The following ARPP21 variants were observed in gnomAD, a reference collection of about 807,000 sequenced individuals.
The protein encoded by ARPP21 is cAMP-regulated phosphoprotein 21.
Under a neutral mutation model 113.2 loss-of-function variants are expected in ARPP21, and 69 were observed. The ratio of observed to expected loss-of-function variants is 0.61; its 90% CI spans 0.50 to 0.74. The LOEUF (loss-of-function observed/expected upper bound fraction) is 0.74, where lower values mean the gene tolerates loss of function less well. ARPP21 is among the 30% of genes least tolerant of loss of function. ARPP21 has a pLI of 0.00. For synonymous variants in ARPP21, 368 were observed against 375.5 expected (o/e 0.98, Z 0.23); for missense variants, 1,070 against 1,037.4 (o/e 1.03, Z -0.43).
At chr3:35,712,067 G>T (rs1157446687) in intron 11 of ARPP21, among the ~76,000 whole-genome samples, 1 of 152,110 alleles carries the variant, frequency 6.6e-6, no homozygotes, top group Non-Finnish European at 1.5e-5. Flanking sequence ...AAACATAAAG[G>T]CAGCACACTT....
At chr3:35,793,547 C>T (rs942051485) in intron 20 of ARPP21, among the ~76,000 whole-genome samples, 154 bp from the exon 21 acceptor site, 1 of 152,186 alleles carries the variant, frequency 6.6e-6, no homozygotes, top group Non-Finnish European at 1.5e-5. Context: ...AAGTGACTTT[C>T]CTAATGTGAA....
At chr3:35,678,301 C>G (rs2078025209) in intron 1 of ARPP21, among the ~76,000 whole-genome samples, 1 of 151,868 alleles carries the variant, frequency 6.6e-6, no homozygotes, top group South Asian at 2.1e-4. Flanking sequence ...GAACTTCATT[C>G]AACTTGGAAA....
At chr3:35,787,873 C>T (rs550202712) in intron 19 of ARPP21, among the ~76,000 whole-genome samples, 1 of 152,144 alleles carries the variant, frequency 6.6e-6, no homozygotes, top group South Asian at 2.1e-4. Context: ...GTCAGAAAAC[C>T]ACAATTTAAA....
intron 11 of ARPP21, among the ~76,000 whole-genome samples, chr3:35,710,181 A>G (rs2090590417): frequency 6.6e-6 from 1 of 152,102 alleles, no homozygotes; most frequent in African/African-American, 2.4e-5. Flanking sequence ...TGATCCAGCT[A>G]AGAGCTCTGA....
intron 1 of ARPP21, among the ~76,000 whole-genome samples, chr3:35,642,866 T>C (rs1698646270): frequency 6.6e-6 from 1 of 152,164 alleles, no homozygotes; most frequent in Non-Finnish European, 1.5e-5. Flanking sequence ...TTGTTTGGAC[T>C]TGATAGAATA....
intron 9 of ARPP21, 66 bp downstream of exon 9, chr3:35,691,071 C>G: frequency 6.6e-7 from 1 of 1,512,456 alleles, no homozygotes; most frequent in Non-Finnish European, 8.9e-7. Context: ...TATAAGATCA[C>G]AGTATAAAAT....
intron 10 of ARPP21, chr3:35,707,355 G>C (rs1338403923): frequency 9.9e-6 from 6 of 606,890 alleles, no homozygotes; most frequent in Non-Finnish European, 1.9e-5. Context: ...GTCTGGGAGG[G>C]TCGGGATGCC....
chr3:35,691,734 T>C (rs931189318), intron 9 of ARPP21, among the ~76,000 whole-genome samples: 2 of 151,630 alleles, frequency 1.3e-5, no homozygotes, highest in Non-Finnish European at 3.0e-5. Flanking sequence ...CTGTTTTTCT[T>C]GAACCTATAT....
intron 9 of ARPP21, among the ~76,000 whole-genome samples, chr3:35,700,947 G>A (rs2086127909): frequency 6.6e-6 from 1 of 151,664 alleles, no homozygotes. Flanking sequence ...GATGGGTACA[G>A]CAAGCCAACA....
rs555342820 is a variant in ARPP21 at position 35,743,973 on chromosome 3, G to A, written c.2137+8G>A. The A allele has an allele frequency of 5.0e-5, 81 of 1,613,992 alleles. No individual in the cohort carries two copies. The South Asian group carries it at 5.3e-4, about 11-fold the overall frequency. On this transcript the variant is annotated splice_region_variant and intron_variant, in intron 19 of 20. Transcript: ENST00000684406. Reference sequence around the variant, plus strand: ...AGGCAGCACAGCAAGCAGGTACTTGGAATCTGTTTCCCATTTGCTTCTCAA... The same window carrying A: ...AGGCAGCACAGCAAGCAGGTACTTGAAATCTGTTTCCCATTTGCTTCTCAA...
chr3:35,747,509 G>T (rs141912297), intron 19 of ARPP21, among the ~76,000 whole-genome samples: 1 of 152,132 alleles, frequency 6.6e-6, no homozygotes, highest in Non-Finnish European at 1.5e-5. Flanking sequence ...AGAAGAATCC[G>T]TTTATTGCCA....
At chr3:35,693,471 C>T (rs138022001) in intron 9 of ARPP21, among the ~76,000 whole-genome samples, 5 of 151,158 alleles carry the variant, frequency 3.3e-5, no homozygotes, top group African/African-American at 7.3e-5. Context: ...TTTTAGCACA[C>T]GAAAAAAGAG....
intron 11 of ARPP21, among the ~76,000 whole-genome samples, chr3:35,714,182 A>C (rs577045196): frequency 6.6e-6 from 1 of 152,202 alleles, no homozygotes; most frequent in Non-Finnish European, 1.5e-5. Context: ...AGGTTTTTGC[A>C]TACTTGAAAT....
At chr3:35,790,163 C>T (rs968414667) in intron 19 of ARPP21, among the ~76,000 whole-genome samples, 2 of 152,030 alleles carry the variant, frequency 1.3e-5, no homozygotes, top group African/African-American at 2.4e-5. Context: ...AAATATAATC[C>T]AAAGTACTAA....
intron 1 of ARPP21, among the ~76,000 whole-genome samples, chr3:35,662,431 A>G (rs1410380753): frequency 6.6e-6 from 1 of 152,160 alleles, no homozygotes; most frequent in Non-Finnish European, 1.5e-5. Flanking sequence ...TCTGGAAAGC[A>G]TACTCTGAGA....
At chr3:35,762,946 CAT>C (rs1195953736) in intron 19 of ARPP21, among the ~76,000 whole-genome samples, 2 of 152,044 alleles carry the variant, frequency 1.3e-5, no homozygotes, top group Admixed American at 1.3e-4. Flanking sequence ...TTTCATTAAA[CAT>C]TACTGATTCT....
chr3:35,682,962 G>T, intron 4 of ARPP21, 73 bp downstream of exon 4: 1 of 1,382,032 alleles, frequency 7.2e-7, no homozygotes, highest in Non-Finnish European at 1.0e-6. Context: ...AGAGTTAAAG[G>T]ATTTGCCAGC....
intron 19 of ARPP21, among the ~76,000 whole-genome samples, chr3:35,777,689 T>G (rs1366040069): frequency 6.6e-6 from 1 of 152,202 alleles, no homozygotes; most frequent in Non-Finnish European, 1.5e-5. Context: ...CCTCCTTTTT[T>G]CTTTTTCATT....
At chr3:35,722,667 T>C (rs1267205118) in intron 14 of ARPP21, among the ~76,000 whole-genome samples, 1 of 152,146 alleles carries the variant, frequency 6.6e-6, no homozygotes, top group Non-Finnish European at 1.5e-5. Context: ...AGGTAGGTAG[T>C]TCAAGTTTGC....
Sources: allele counts gnomAD v4.1 joint callset (sites outside exome capture counted in the v4.1 genomes callset), GRCh38; gene constraint gnomAD v4.1.1; transcripts MANE v1.5; gene names NCBI Gene and HGNC (gene_info 2026-07-23, HGNC 2026-07-21).